The following KCNH8 variants were observed in gnomAD, a reference collection of about 807,000 sequenced individuals.
KCNH8 encodes potassium voltage-gated channel subfamily H member 8, also known as voltage-gated delayed rectifier potassium channel KCNH8.
KCNH8 carries 70 observed loss-of-function variants against 103.6 expected under a neutral mutation model. The ratio of observed to expected loss-of-function variants is 0.68; its 90% confidence interval spans 0.56 to 0.82. KCNH8 has a LOEUF of 0.82. KCNH8 is among the 40% of genes least tolerant of loss of function. The probability of loss-of-function intolerance (pLI) is 0.00; values close to 1 mark genes in which losing one functional copy is unlikely to be tolerated. For missense variants in KCNH8, 1,217 were observed against 1,329.9 expected (o/e 0.92, Z 1.32); for synonymous variants, 498 against 489.4 (o/e 1.02, Z -0.23).
rs1326562128 is a variant in KCNH8 at position 19,489,437 on chromosome 3, TATACGGGAATTG to T, written c.2041-20911_2041-20900del. 4.6e-5 allele frequency among the ~76,000 whole-genome samples: 7 copies of T among 152,094 alleles called. No individual in the cohort carries two copies. The South Asian group carries it at 6.2e-4, about 14-fold the overall frequency. On this transcript the variant is annotated intron_variant, in intron 11 of 15. Coordinates refer to ENST00000328405, the MANE Select transcript of KCNH8 (RefSeq NM_144633.3). The stretch of plus-strand genomic sequence containing the variant: ...AACTGTAACCAAGAATCTATATGTA[TATACGGGAATTG>T]ATACGGGAATTGATCTGGGTGCCCT...
intron 7 of KCNH8, among the ~76,000 whole-genome samples, chr3:19,433,262 G>A (rs909490118): frequency 2.0e-5 from 3 of 152,126 alleles, no homozygotes; most frequent in Non-Finnish European, 4.4e-5. Flanking sequence ...CTGGAAGGTT[G>A]TATAGCAATG....
Position 19,534,553 on chromosome 3 carries a change from A to G in KCNH8, c.*454A>G. 1 of 159,632 alleles carries G rather than the reference A, an allele frequency of 6.3e-6. No homozygotes were observed. The highest frequency in any genetic ancestry group is 1.9e-4 in the South Asian group (1 of 5,216). 9.9% of individuals were successfully genotyped at this position (159,632 alleles called of 1,614,324 possible). The stretch of plus-strand genomic sequence containing the variant: ...TGTATTTTTCTTTTTGTGAAGGCAA[A>G]GGGACAATTATCACTGCATGTCATC... On this transcript the variant is annotated 3_prime_UTR_variant, in exon 16 of 16. Transcript: ENST00000328405.
intron 2 of KCNH8, among the ~76,000 whole-genome samples, chr3:19,277,895 A>G (rs1383992352): frequency 6.6e-6 from 1 of 152,046 alleles, no homozygotes; most frequent in East Asian, 1.9e-4. Context: ...TATATAAAGA[A>G]GGAGTTAAAA....
At chr3:19,195,721 G>A (rs1024627344) in intron 1 of KCNH8, among the ~76,000 whole-genome samples, 2 of 152,078 alleles carry the variant, frequency 1.3e-5, no homozygotes, top group Non-Finnish European at 2.9e-5. Flanking sequence ...CAGCCAATCA[G>A]ATGTTTCAAC....
chr3:19,250,189 C>A (rs537965565), intron 1 of KCNH8, among the ~76,000 whole-genome samples: 13 of 151,770 alleles, frequency 8.6e-5, no homozygotes, highest in Non-Finnish European at 1.6e-4. Context: ...CACTTGAGCC[C>A]AAGAAGTTGA....
chr3:19,484,306 A>G (rs1370934963), intron 11 of KCNH8, among the ~76,000 whole-genome samples: 1 of 152,222 alleles, frequency 6.6e-6, no homozygotes, highest in Non-Finnish European at 1.5e-5. Context: ...CTAGGCATTC[A>G]TAGTAACTAT....
intron 5 of KCNH8, among the ~76,000 whole-genome samples, chr3:19,373,238 T>A (rs547531870): frequency 1.3e-5 from 2 of 152,226 alleles, no homozygotes; most frequent in East Asian, 3.9e-4. Flanking sequence ...ATCCATCTGG[T>A]CCTGGACTCT....
intron 3 of KCNH8, among the ~76,000 whole-genome samples, chr3:19,302,319 T>A (rs1213931143): frequency 1.3e-5 from 2 of 152,188 alleles, no homozygotes; most frequent in Non-Finnish European, 2.9e-5. Flanking sequence ...ACTAGGAACC[T>A]CTATGCCAGG....
intron 3 of KCNH8, 37 bp from the exon 4 acceptor site, chr3:19,342,550 C>G (rs540642621): frequency 1.2e-4 from 198 of 1,584,028 alleles, no homozygotes; most frequent in Admixed American, 3.9e-4. Context: ...TGAAATGATG[C>G]ATGCATGTGT....
At chr3:19,514,948 T>C (rs1410495261) in intron 13 of KCNH8, among the ~76,000 whole-genome samples, 1 of 150,716 alleles carries the variant, frequency 6.6e-6, no homozygotes, top group African/African-American at 2.4e-5. Context: ...TTTTAAATTA[T>C]CTAACAAACA....
At chr3:19,278,538 TAAGG>T (rs2064710120) in intron 2 of KCNH8, among the ~76,000 whole-genome samples, 1 of 66,100 alleles carries the variant, frequency 1.5e-5, no homozygotes, top group African/African-American at 6.4e-5. Context: ...AGGAGGGAAA[TAAGG>T]GAGGAAGGGA....
chr3:19,463,753 T>G (rs1449656245), intron 11 of KCNH8, among the ~76,000 whole-genome samples: 1 of 152,026 alleles, frequency 6.6e-6, no homozygotes, highest in East Asian at 1.9e-4. Flanking sequence ...ATCCAAAAAT[T>G]TTACATACAG....
rs566539019 is a variant in KCNH8, at chr3:19,515,979, A to T, written c.2542+551A>T. Among the ~76,000 whole-genome samples, 7 of 152,174 alleles carry T rather than the reference A, an allele frequency of 4.6e-5. 1 individual carries two copies. In the South Asian group the frequency reaches 1.5e-3, roughly 32 times the overall value. On this transcript the variant is annotated intron_variant, in intron 14 of 15. Transcript: ENST00000328405. ...AACTCTAGCCCAAATCCCTCTCTTT[A>T]CTTTTCAATCTTGAGTTTGTTGCTC...
chr3:19,152,242 A>G (rs1018723919), intron 1 of KCNH8, among the ~76,000 whole-genome samples: 2 of 152,194 alleles, frequency 1.3e-5, no homozygotes, highest in Non-Finnish European at 2.9e-5. Context: ...GGAAAGTACA[A>G]TAAGGGAACA....
At chr3:19,463,303 A>T (rs2067671017) in intron 11 of KCNH8, among the ~76,000 whole-genome samples, 1 of 152,156 alleles carries the variant, frequency 6.6e-6, no homozygotes. Flanking sequence ...AAGTTAACAC[A>T]AATATAAATA....
chr3:19,269,265 A>G (rs1421890275), intron 2 of KCNH8, among the ~76,000 whole-genome samples: 2 of 152,076 alleles, frequency 1.3e-5, no homozygotes, highest in Non-Finnish European at 2.9e-5. Context: ...TGATAAGGAG[A>G]GCTATTTTTC....
In KCNH8 at chr3:19,210,816, C is replaced by T. The variant is rs556123071; in HGVS notation, c.77-42838C>T. Among the ~76,000 whole-genome samples the T allele has an allele frequency of 7.2e-5, 11 of 152,208 alleles. No individual in the cohort carries two copies. In the East Asian group the frequency reaches 2.1e-3, roughly 29 times the overall value. On this transcript the variant is annotated intron_variant, in intron 1 of 15. Coordinates refer to ENST00000328405, the MANE Select transcript of KCNH8 (RefSeq NM_144633.3). Reference sequence around the variant, plus strand: ...GATGGTGAGAATACAAAGTAGGTTCCTCTGACAGCACCATCTGGGCAGAGC... The same window carrying T: ...GATGGTGAGAATACAAAGTAGGTTCTTCTGACAGCACCATCTGGGCAGAGC...
intron 5 of KCNH8, 71 bp downstream of exon 5, chr3:19,348,036 C>T: frequency 1.3e-6 from 2 of 1,554,592 alleles, no homozygotes; most frequent in South Asian, 2.4e-5. Flanking sequence ...ATTTTTCTGA[C>T]ATGAATTTGA....
intron 5 of KCNH8, among the ~76,000 whole-genome samples, chr3:19,348,544 C>A (rs944384725): frequency 3.3e-5 from 5 of 152,072 alleles, no homozygotes; most frequent in Non-Finnish European, 7.4e-5. Context: ...TCAGTTGAAG[C>A]TGCGTCTGTG....
Sources: gnomAD v4.1 joint callset for allele counts (sites outside exome capture counted in the v4.1 genomes callset) on GRCh38, gnomAD v4.1.1 for gene constraint, MANE v1.5 for transcripts, NCBI Gene and HGNC (gene_info 2026-07-23, HGNC 2026-07-21) for gene names.